TMEM132C: variants seen among roughly 807,000 people sequenced by gnomAD.
The protein encoded by TMEM132C is protein phosphatase 1, regulatory subunit 152.
In TMEM132C, 29 loss-of-function variants were observed where a neutral mutation model predicts 61.4. That is an observed-to-expected ratio of 0.47 (90% confidence interval 0.35 to 0.64). TMEM132C has a LOEUF of 0.64. TMEM132C is among the 30% of genes least tolerant of loss of function. The pLI, the probability that TMEM132C is intolerant of heterozygous loss-of-function variation, is 0.00. For missense variants in TMEM132C, 1,408 were observed against 1,476.9 expected (o/e 0.95, Z 0.76); for synonymous variants, 656 against 633.1 (o/e 1.04, Z -0.54).
intron 1 of TMEM132C, among the ~76,000 whole-genome samples, chr12:128,282,760 T>C (rs542992516): frequency 1.7e-4 from 26 of 152,226 alleles, no homozygotes; most frequent in Non-Finnish European, 3.5e-4. Context: ...TTCATGACTT[T>C]GACACTGCGG....
rs1459182395 is a variant in TMEM132C at position 128,336,437 on chromosome 12, T to C, written c.85+68950T>C. 2.0e-5 allele frequency among the ~76,000 whole-genome samples: 3 copies of C among 152,204 alleles called. No individual in the cohort carries two copies. In the East Asian group the frequency reaches 5.8e-4, roughly 29 times the overall value. On this transcript the variant is annotated intron_variant, in intron 1 of 8. Coordinates refer to ENST00000435159, the MANE Select transcript of TMEM132C (RefSeq NM_001136103.3). ...CAGAATGTCTCTAGTTAAGTAATCA[T>C]ATGATGAAGACATCCCAGCTGGGAC... is the stretch of plus-strand genomic sequence containing the variant.
At chr12:128,623,730 C>G (rs953469539) in intron 4 of TMEM132C, among the ~76,000 whole-genome samples, 28 of 151,948 alleles carry the variant, frequency 1.8e-4, no homozygotes, top group Admixed American at 1.8e-3. Context: ...ATCACTTGAA[C>G]CTGGGAGGCA....
At chr12:128,420,474 G>T (rs1593047222) in intron 2 of TMEM132C, among the ~76,000 whole-genome samples, 1 of 152,162 alleles carries the variant, frequency 6.6e-6, no homozygotes, top group South Asian at 2.1e-4. Context: ...GTAGGGGGAG[G>T]CGAGCTCAGA....
intron 2 of TMEM132C, among the ~76,000 whole-genome samples, chr12:128,540,610 G>C (rs1484831205): frequency 6.6e-6 from 1 of 152,138 alleles, no homozygotes; most frequent in East Asian, 1.9e-4. Flanking sequence ...TTTCTGGTAG[G>C]TTGCTGCCCT....
At chr12:128,441,066 A>G (rs541678813) in intron 2 of TMEM132C, among the ~76,000 whole-genome samples, 3 of 152,312 alleles carry the variant, frequency 2.0e-5, no homozygotes, top group South Asian at 2.1e-4. Context: ...ACAAGCAAAC[A>G]GTAAAAACAA....
chr12:128,306,492 G>A (rs7136829), intron 1 of TMEM132C, among the ~76,000 whole-genome samples: 81,194 of 151,680 alleles, frequency 0.54, 22,360 homozygotes, highest in Middle Eastern at 0.64. Flanking sequence ...GTGAGCCACC[G>A]CACCTGGCCA....
At chr12:128,666,030 T>C (rs1327647373) in intron 4 of TMEM132C, among the ~76,000 whole-genome samples, 4 of 58,904 alleles carry the variant, frequency 6.8e-5, no homozygotes, top group Admixed American at 1.7e-4. Flanking sequence ...CAGGCGCACA[T>C]TCACAGGCAC....
intron 2 of TMEM132C, among the ~76,000 whole-genome samples, chr12:128,536,025 G>A (rs1255659727): frequency 6.6e-6 from 1 of 152,132 alleles, no homozygotes; most frequent in Non-Finnish European, 1.5e-5. Flanking sequence ...ATTTGACCCA[G>A]CAATCCCACT....
At chr12:128,317,970 A>G (rs1013447695) in intron 1 of TMEM132C, among the ~76,000 whole-genome samples, 6 of 152,224 alleles carry the variant, frequency 3.9e-5, no homozygotes, top group African/African-American at 1.2e-4. Flanking sequence ...CATTTGTGCT[A>G]TGGTCTCAGA....
chr12:128,442,011 ATAAAT>A (rs1270258178), intron 2 of TMEM132C, among the ~76,000 whole-genome samples: 3 of 152,250 alleles, frequency 2.0e-5, no homozygotes, highest in East Asian at 1.9e-4. Flanking sequence ...TAATTAATAA[ATAAAT>A]TAAAATTAAA....
At chr12:128,504,097 A>G (rs1872272625) in intron 2 of TMEM132C, among the ~76,000 whole-genome samples, 2 of 152,046 alleles carry the variant, frequency 1.3e-5, no homozygotes. Flanking sequence ...TGGTGGCTCC[A>G]TGAGAGCCAG....
In TMEM132C at chr12:128,415,501, G is replaced by A; in HGVS notation, c.855G>A (p.Glu285=). 6.4e-7 allele frequency: 1 copy of A among 1,551,576 alleles called. No individual in the cohort carries two copies. Among genetic ancestry groups the A allele is most frequent in the Non-Finnish European group, 8.7e-7 (1 of 1,147,002 alleles). Residue 285 remains glutamate (E), a synonymous_variant, in exon 2 of 9, where the codon GAG becomes GAA. Coordinates refer to ENST00000435159, the MANE Select transcript of TMEM132C (RefSeq NM_001136103.3). The surrounding 1 kb of genome is among the most constrained non-coding windows in gnomAD (Gnocchi z 5.8). The part of the protein sequence containing the change: ...YRAQDSAQLS[E]LRLDGNVVIW... ...CCCAGGACAGCGCCCAGCTCAGCGA[G>A]CTGCGTTTGGATGGTAACGTGGTCA...
Position 128,452,468 on chromosome 12 carries a change from C to T in TMEM132C, c.974+36848C>T, listed in dbSNP as rs539972045. ...GGCATGGTGGCTCACACCTGTAATCCCAACACTCTGGGAGGCCGGGGTGGG... is the reference window on the plus strand; with the variant it reads ...GGCATGGTGGCTCACACCTGTAATCTCAACACTCTGGGAGGCCGGGGTGGG... On this transcript the variant is annotated intron_variant, in intron 2 of 8. Transcript: ENST00000435159. 3.3e-5 allele frequency among the ~76,000 whole-genome samples: 5 copies of T among 151,508 alleles called. No homozygotes were observed. The East Asian group carries it at 1.0e-3, about 30-fold the overall frequency.
At chr12:128,316,290 G>A (rs567630857) in intron 1 of TMEM132C, among the ~76,000 whole-genome samples, 1 of 152,246 alleles carries the variant, frequency 6.6e-6, no homozygotes, top group East Asian at 1.9e-4. Context: ...GTCCCACATG[G>A]GCTACACATC....
At chr12:128,493,461 A>G (rs1871823532) in intron 2 of TMEM132C, among the ~76,000 whole-genome samples, 1 of 152,168 alleles carries the variant, frequency 6.6e-6, no homozygotes, top group South Asian at 2.1e-4. Context: ...TTTTCACAGT[A>G]TTGATTCTTC....
chr12:128,588,335 G>A (rs1875626182), intron 3 of TMEM132C, among the ~76,000 whole-genome samples: 1 of 152,194 alleles, frequency 6.6e-6, no homozygotes, highest in Non-Finnish European at 1.5e-5. Flanking sequence ...AGGAGGCTGA[G>A]GCAGATGGAT....
At chr12:128,435,972 C>T (rs6486636) in intron 2 of TMEM132C, among the ~76,000 whole-genome samples, 27,622 of 152,066 alleles carry the variant, frequency 0.18, 2,903 homozygotes, top group East Asian at 0.32. Flanking sequence ...TGGAACAGAA[C>T]AGAGGCCTCA....
chr12:128,590,418 A>G (rs1022698843), intron 3 of TMEM132C, among the ~76,000 whole-genome samples: 1 of 150,262 alleles, frequency 6.7e-6, no homozygotes, highest in African/African-American at 2.4e-5. Flanking sequence ...AGGTGGAGAA[A>G]AAGAAAAGGT....
At chr12:128,644,580 A>T (rs1406829910) in intron 4 of TMEM132C, among the ~76,000 whole-genome samples, 2 of 152,250 alleles carry the variant, frequency 1.3e-5, no homozygotes, top group Non-Finnish European at 2.9e-5. Flanking sequence ...AGGATCAGTG[A>T]TCGCTGGGGG....
Sources: gnomAD v4.1 joint callset for allele counts (sites outside exome capture counted in the v4.1 genomes callset) on GRCh38, gnomAD v4.1.1 for gene constraint, Gnocchi (gnomAD v3.1) non-coding constraint, MANE v1.5 for transcripts, NCBI Gene and HGNC (gene_info 2026-07-23, HGNC 2026-07-21) for gene names.